Variants in MAF observed in about 807,000 individuals in gnomAD.
MAF encodes the protein MAF bZIP transcription factor.
A neutral mutation model predicts 22.0 loss-of-function variants in MAF; 10 were observed. The observed-to-expected ratio is 0.45, with a 90% CI of 0.28 to 0.77. The LOEUF (loss-of-function observed/expected upper bound fraction) is 0.77. MAF is among the 30% of genes least tolerant of loss of function. The pLI is 0.12. For missense variants in MAF, 544 were observed against 548.4 expected (o/e 0.99, Z 0.08); for synonymous variants, 337 against 255.8 (o/e 1.32, Z -3.03).
the MAF span, among the ~76,000 whole-genome samples, chr16:79,302,686 T>A: frequency 2.6e-5 from 4 of 152,258 alleles, no homozygotes; most frequent in Non-Finnish European, 5.9e-5. Context: ...GCAGGCGCTC[T>A]AGAAGACCTT....
the MAF span, among the ~76,000 whole-genome samples, chr16:79,315,203 G>A: frequency 1.3e-5 from 2 of 152,168 alleles, no homozygotes; most frequent in African/African-American, 4.8e-5. Context: ...CCCTTGTGGA[G>A]TTTACATTCT....
the MAF span, among the ~76,000 whole-genome samples, chr16:79,470,250 C>G: frequency 6.6e-6 from 1 of 152,224 alleles, no homozygotes; most frequent in Non-Finnish European, 1.5e-5. Flanking sequence ...TTCCTTTGTC[C>G]TCTGAACCCC....
the MAF span, among the ~76,000 whole-genome samples, chr16:79,453,922 C>A: frequency 2.0e-4 from 31 of 152,088 alleles, no homozygotes; most frequent in Admixed American, 3.9e-4. Flanking sequence ...ATACTAAATA[C>A]CTACCTTGCT....
the MAF span, among the ~76,000 whole-genome samples, chr16:79,310,897 CAG>C: frequency 6.6e-6 from 1 of 152,178 alleles, no homozygotes; most frequent in African/African-American, 2.4e-5. Context: ...TTGCTCTTGG[CAG>C]AGTCTGCTGG....
the MAF span, among the ~76,000 whole-genome samples, chr16:79,416,528 T>C: frequency 6.7e-6 from 1 of 149,862 alleles, no homozygotes; most frequent in Non-Finnish European, 1.5e-5. Context: ...AGGCATTTAC[T>C]GTGACTTTCA....
the MAF span, among the ~76,000 whole-genome samples, chr16:79,552,024 G>A: frequency 6.6e-6 from 1 of 151,984 alleles, no homozygotes; most frequent in Non-Finnish European, 1.5e-5. Context: ...CCTTCAAAAT[G>A]TTTGGAGGAT....
At chr16:79,440,418 AT>A in the MAF span, among the ~76,000 whole-genome samples, 1 of 151,956 alleles carries the variant, frequency 6.6e-6, no homozygotes, top group Non-Finnish European at 1.5e-5. Context: ...ACCTCAACTA[AT>A]TTCTTTCTTT....
chr16:79,540,828 G>A, the MAF span, among the ~76,000 whole-genome samples: 1 of 152,138 alleles, frequency 6.6e-6, no homozygotes, highest in Non-Finnish European at 1.5e-5. Flanking sequence ...GAAAAGTAAA[G>A]GAGTTGGTCT....
the MAF span, among the ~76,000 whole-genome samples, chr16:79,528,486 T>C: frequency 1.3e-5 from 2 of 152,114 alleles, no homozygotes; most frequent in Non-Finnish European, 2.9e-5. Context: ...CAAGAAAAAC[T>C]GAGCAAGGCA....
At chr16:79,465,041 T>C in the MAF span, among the ~76,000 whole-genome samples, 1 of 152,176 alleles carries the variant, frequency 6.6e-6, no homozygotes, top group Non-Finnish European at 1.5e-5. Flanking sequence ...CTCAAACATG[T>C]TGGTTAATGG....
At chr16:79,584,943 T>A (rs1912748529), downstream of MAF, among the ~76,000 whole-genome samples, 2 of 152,168 alleles carry the variant, frequency 1.3e-5, no homozygotes, top group South Asian at 2.1e-4. Flanking sequence ...ACTCACTGGA[T>A]CCTTAACGTA....
At chr16:79,314,347 G>A in the MAF span, among the ~76,000 whole-genome samples, 1 of 152,146 alleles carries the variant, frequency 6.6e-6, no homozygotes, top group Non-Finnish European at 1.5e-5. Context: ...AAGTACCCCA[G>A]GGCTCTTCCT....
At chr16:79,283,619 T>C in the MAF span, among the ~76,000 whole-genome samples, 2 of 152,304 alleles carry the variant, frequency 1.3e-5, no homozygotes, top group African/African-American at 4.8e-5. Context: ...GAAGCTGTCA[T>C]AAAAATCTTA....
chr16:79,214,541 G>A, the MAF span, among the ~76,000 whole-genome samples: 40 of 151,866 alleles, frequency 2.6e-4, no homozygotes, highest in Admixed American at 2.6e-3. Flanking sequence ...AAATAGCTGG[G>A]ATTACAGGTA....
At chr16:79,323,002 T>C in the MAF span, among the ~76,000 whole-genome samples, 1 of 150,904 alleles carries the variant, frequency 6.6e-6, no homozygotes, top group Non-Finnish European at 1.5e-5. Flanking sequence ...TACAAAAAAT[T>C]AGCCAGGCTT....
chr16:79,347,014 A>C, the MAF span, among the ~76,000 whole-genome samples: 1 of 152,196 alleles, frequency 6.6e-6, no homozygotes, highest in Non-Finnish European at 1.5e-5. Context: ...ATCTGAACTC[A>C]CACTCAGCCA....
chr16:79,433,859 T>C, the MAF span, among the ~76,000 whole-genome samples: 1 of 152,200 alleles, frequency 6.6e-6, no homozygotes, highest in African/African-American at 2.4e-5. Flanking sequence ...ATCAGAAAGA[T>C]CTGGCATGAC....
the MAF span, among the ~76,000 whole-genome samples, chr16:79,245,767 C>A: frequency 6.6e-6 from 1 of 151,982 alleles, no homozygotes; most frequent in Non-Finnish European, 1.5e-5. Flanking sequence ...CATATGTTTA[C>A]TGCAGCTCTA....
chr16:79,428,855 T>TAAC, the MAF span, among the ~76,000 whole-genome samples: 1 of 144,558 alleles, frequency 6.9e-6, no homozygotes, highest in Non-Finnish European at 1.6e-5. Flanking sequence ...AGAAAAATAA[T>TAAC]AATAATAATA....
Sources: allele counts gnomAD v4.1 joint callset (sites outside exome capture counted in the v4.1 genomes callset), GRCh38; gene constraint gnomAD v4.1.1; transcripts MANE v1.5; gene names NCBI Gene and HGNC (gene_info 2026-07-23, HGNC 2026-07-21).